SND1: variants seen among roughly 807,000 people sequenced by gnomAD.
SND1 encodes the protein staphylococcal nuclease and tudor domain containing 1.
SND1 carries 38 observed loss-of-function variants against 121.7 expected under a neutral mutation model. That is an observed-to-expected ratio of 0.31 (90% CI 0.24 to 0.41). The LOEUF is 0.41. SND1 is among the 10% of genes least tolerant of loss of function. The pLI is 1.00. For missense variants in SND1, 868 were observed against 1,184.6 expected (o/e 0.73, Z 3.92); for synonymous variants, 401 against 447.4 (o/e 0.90, Z 1.31).
chr7:127,883,224 T>C (rs1799828560), intron 12 of SND1, among the ~76,000 whole-genome samples: 1 of 152,082 alleles, frequency 6.6e-6, no homozygotes, highest in Admixed American at 6.6e-5. Context: ...CACTATAAGA[T>C]AGTAGTGAAA....
chr7:128,058,149 A>G (rs951582441), intron 16 of SND1, among the ~76,000 whole-genome samples: 1 of 152,252 alleles, frequency 6.6e-6, no homozygotes, highest in African/African-American at 2.4e-5. Context: ...TAGGCAAACA[A>G]GCTGGGCTAT....
intron 14 of SND1, among the ~76,000 whole-genome samples, chr7:127,918,055 C>CTTTTTTTTTTTTTT (rs11375840): frequency 7.0e-6 from 1 of 142,382 alleles, no homozygotes; most frequent in Non-Finnish European, 1.5e-5. Flanking sequence ...TAGATTTTTT[C>CTTTTTTTTTTTTTT]TTTTTTTTTT....
chr7:127,848,247 G>A (rs528771097), intron 12 of SND1, among the ~76,000 whole-genome samples: 75 of 152,286 alleles, frequency 4.9e-4, no homozygotes, highest in Admixed American at 1.0e-3. Flanking sequence ...TAACACATGC[G>A]AATGTTTTAG....
chr7:128,020,730 G>A (rs1248907746), intron 16 of SND1, among the ~76,000 whole-genome samples: 3 of 152,098 alleles, frequency 2.0e-5, no homozygotes, highest in African/African-American at 2.4e-5. Flanking sequence ...CACATGAAGG[G>A]GGAAGGATTA....
At chr7:127,889,276 T>C (rs920667970) in intron 13 of SND1, among the ~76,000 whole-genome samples, 1 of 152,036 alleles carries the variant, frequency 6.6e-6, no homozygotes, top group Non-Finnish European at 1.5e-5. Flanking sequence ...ACCTATATTA[T>C]CAGTAAGCAA....
Position 128,053,866 on chromosome 7 carries a change from G to A in SND1, c.1780-20636G>A, listed in dbSNP as rs552465887. Among the ~76,000 whole-genome samples the A allele has an allele frequency of 5.9e-5, 9 of 152,288 alleles. No individual in the cohort carries two copies. In the South Asian group the frequency reaches 6.2e-4, roughly 11 times the overall value. ...TCCACTCTCCACGCTGTCCTACTCCGGCAGGCTGAGCTTTTCCCCGACCCC... is the reference window on the plus strand; with the variant it reads ...TCCACTCTCCACGCTGTCCTACTCCAGCAGGCTGAGCTTTTCCCCGACCCC... On this transcript the variant is annotated intron_variant, in intron 16 of 23. Coordinates refer to ENST00000354725, the MANE Select transcript of SND1 (RefSeq NM_014390.4).
intron 16 of SND1, chr7:128,030,427 C>T: frequency 6.2e-7 from 1 of 1,613,870 alleles, no homozygotes; most frequent in Non-Finnish European, 8.5e-7. Flanking sequence ...GAGGGAATAC[C>T]CTGCGGGACC....
chr7:127,869,654 T>A (rs1584630484), intron 12 of SND1, among the ~76,000 whole-genome samples: 1 of 152,196 alleles, frequency 6.6e-6, no homozygotes, highest in African/African-American at 2.4e-5. Flanking sequence ...TTAGATCTCA[T>A]ATAATTATAG....
In SND1 at chr7:127,691,673, C is replaced by T. The variant is rs577795947; in HGVS notation, c.229-3155C>T. On this transcript the variant is annotated intron_variant, in intron 2 of 23. Transcript: ENST00000354725. ...TGTCGCCCGGGCTGGAGTGCAGTGG[C>T]GCAATCTTGGCTCACTGCAACCTCC... 3.3e-5 allele frequency among the ~76,000 whole-genome samples: 5 copies of T among 151,878 alleles called. No homozygotes were observed. The East Asian group carries it at 5.8e-4, about 18-fold the overall frequency.
intron 10 of SND1, among the ~76,000 whole-genome samples, chr7:127,778,081 C>G (rs1797652712): frequency 6.6e-6 from 1 of 152,194 alleles, no homozygotes; most frequent in Non-Finnish European, 1.5e-5. Flanking sequence ...GAAGTTAGCA[C>G]TCTGTTTTAC....
intron 11 of SND1, among the ~76,000 whole-genome samples, chr7:127,810,541 A>G (rs559878572): frequency 1.3e-5 from 2 of 152,314 alleles, no homozygotes; most frequent in African/African-American, 4.8e-5. Flanking sequence ...TAACTTTAAC[A>G]TGTTTTCTGG....
At chr7:127,716,492 GTT>G (rs975682366) in intron 9 of SND1, among the ~76,000 whole-genome samples, 1 of 140,554 alleles carries the variant, frequency 7.1e-6, no homozygotes. Flanking sequence ...ATTTTCTTAG[GTT>G]TTTTTTTTTT....
chr7:127,686,646 C>G lies in SND1; in HGVS notation c.112C>G (p.Gln38Glu). 1 of 1,614,144 alleles carries G rather than the reference C, an allele frequency of 6.2e-7. No homozygotes were observed. The highest frequency in any genetic ancestry group is 8.5e-7 in the Non-Finnish European group (1 of 1,180,008). ...LSGCAIIVRG[Q>E]PRGGPPPERQ... is the part of the protein sequence containing the mutation. ...AGGGTGCGCCATCATTGTCCGAGGT[C>G]AGCCTCGTGGTGGGCCTCCTCCTGA... Residue 38 changes from glutamine (Q) to glutamate (E), a missense_variant, in exon 2 of 24, where the codon CAG (glutamine) becomes GAG (glutamate). Gln to Glu is a conservative substitution (Grantham distance 29). Transcript: ENST00000354725.
chr7:127,969,847 T>A (rs2116883836), intron 15 of SND1, among the ~76,000 whole-genome samples: 1 of 152,356 alleles, frequency 6.6e-6, no homozygotes, highest in South Asian at 2.1e-4. Context: ...AGGAACAGTC[T>A]CAAATTCTGG....
chr7:127,722,577 A>C (rs1023772419), intron 10 of SND1, among the ~76,000 whole-genome samples: 1 of 152,144 alleles, frequency 6.6e-6, no homozygotes, highest in Non-Finnish European at 1.5e-5. Context: ...AAGGTAGATA[A>C]GTTGGGTGCA....
At chr7:128,055,269 G>A (rs1043181546) in intron 16 of SND1, among the ~76,000 whole-genome samples, 5 of 152,222 alleles carry the variant, frequency 3.3e-5, no homozygotes, top group African/African-American at 1.2e-4. Flanking sequence ...TGGCAGCTCT[G>A]TAGGACCATG....
chr7:127,911,835 C>G (rs1205230155), intron 14 of SND1, among the ~76,000 whole-genome samples: 2 of 152,144 alleles, frequency 1.3e-5, no homozygotes, highest in Non-Finnish European at 2.9e-5. Context: ...AAGCATGTCT[C>G]TGCTAAGAGT....
intron 12 of SND1, among the ~76,000 whole-genome samples, chr7:127,853,161 A>T (rs1355465954): frequency 1.3e-5 from 2 of 152,138 alleles, no homozygotes; most frequent in African/African-American, 4.8e-5. Flanking sequence ...CGAGGGAAAG[A>T]GGCTCTCTGG....
At chr7:127,770,731 A>AT (rs1205263811) in intron 10 of SND1, among the ~76,000 whole-genome samples, 1 of 152,182 alleles carries the variant, frequency 6.6e-6, no homozygotes, top group Non-Finnish European at 1.5e-5. Context: ...ATTAAAAAAA[A>AT]AAGTGGTGGA....
Sources: allele counts gnomAD v4.1 joint callset (sites outside exome capture counted in the v4.1 genomes callset), GRCh38; gene constraint gnomAD v4.1.1; transcripts MANE v1.5; gene names NCBI Gene and HGNC (gene_info 2026-07-23, HGNC 2026-07-21).